PDZD2: variants seen among roughly 807,000 people sequenced by gnomAD.
PDZD2 encodes the protein PDZ domain containing 2.
PDZD2 carries 90 observed loss-of-function variants against 220.7 expected under a neutral mutation model. That is an observed-to-expected ratio of 0.41 (90% CI 0.34 to 0.49). The LOEUF is 0.49. Among genes scored for constraint, PDZD2 ranks in the 20% least tolerant of loss-of-function variants. The probability of loss-of-function intolerance (pLI) is 0.28; values close to 1 mark genes in which losing one functional copy is unlikely to be tolerated. For missense variants in PDZD2, 3,174 were observed against 3,608.5 expected (o/e 0.88, Z 3.08); for synonymous variants, 1,375 against 1,450.5 (o/e 0.95, Z 1.18).
chr5:32,045,259 C>T (rs1298490155), intron 7 of PDZD2, among the ~76,000 whole-genome samples: 2 of 152,212 alleles, frequency 1.3e-5, no homozygotes, highest in African/African-American at 4.8e-5. Flanking sequence ...CCCAGACTGG[C>T]TCCAAAATGG....
intron 2 of PDZD2, among the ~76,000 whole-genome samples, chr5:31,843,098 C>G (rs1032958335): frequency 5.3e-5 from 8 of 152,064 alleles, no homozygotes; most frequent in Non-Finnish European, 8.8e-5. Context: ...TCAGGCTGGT[C>G]TCGAACTCCT....
rs187049891 is a variant in PDZD2, at chr5:31,865,726, C to T, written c.476+66002C>T. 4.6e-3 allele frequency among the ~76,000 whole-genome samples: 683 copies of T among 147,870 alleles called. 5 individuals carry two copies. The highest frequency in any genetic ancestry group is 0.016 in the African/African-American group (649 of 39,732). ...TCGTCTCACTGCAAGCTCCGCCTCCCGGGTGCCCCATTCTCCTGCCTCAGC... is the reference window on the plus strand; with the variant it reads ...TCGTCTCACTGCAAGCTCCGCCTCCTGGGTGCCCCATTCTCCTGCCTCAGC... On this transcript the variant is annotated intron_variant, in intron 2 of 24. Coordinates refer to ENST00000438447, the MANE Select transcript of PDZD2 (RefSeq NM_178140.4).
chr5:31,701,490 G>A (rs932972128), intron 1 of PDZD2, among the ~76,000 whole-genome samples: 7 of 152,134 alleles, frequency 4.6e-5, no homozygotes, highest in South Asian at 2.1e-4. Context: ...ACTGCGCCTG[G>A]CTGAGAAGTC....
At chr5:31,674,287 C>T (rs911526844) in intron 1 of PDZD2, among the ~76,000 whole-genome samples, 1 of 152,122 alleles carries the variant, frequency 6.6e-6, no homozygotes, top group Non-Finnish European at 1.5e-5. Context: ...TGAGAAAAAT[C>T]GAGTCAAGAG....
At chr5:31,804,244 G>A (rs17416314) in intron 2 of PDZD2, among the ~76,000 whole-genome samples, 10,885 of 152,172 alleles carry the variant, frequency 0.072, 470 homozygotes, top group Non-Finnish European at 0.11. Context: ...AAGCCACTGA[G>A]ATGTAGTGGT....
chr5:31,840,396 TTATATATATATATATATA>T (rs748170414), intron 2 of PDZD2: 488 of 19,330 alleles, frequency 0.025, 7 homozygotes, highest in Middle Eastern at 0.031. Context: ...GTCATTTTCA[TTATATATATATATATATA>T]TATATATATA....
At chr5:31,774,529 C>G (rs1311657833) in intron 1 of PDZD2, among the ~76,000 whole-genome samples, 23 of 152,008 alleles carry the variant, frequency 1.5e-4, no homozygotes, top group Admixed American at 1.5e-3. Flanking sequence ...GCCTGACCAA[C>G]ATGGTGAAAC....
chr5:32,054,130 G>T (rs550693787), intron 10 of PDZD2, among the ~76,000 whole-genome samples: 3 of 151,960 alleles, frequency 2.0e-5, no homozygotes, highest in African/African-American at 4.8e-5. Flanking sequence ...CTTCTGTTGG[G>T]GTCTTTAGTG....
At chr5:31,840,910 G>T in intron 2 of PDZD2, 3 of 549,760 alleles carry the variant, frequency 5.5e-6, no homozygotes, top group South Asian at 2.7e-5. Flanking sequence ...ATAACTCCAT[G>T]TTTTCTTAAA....
At chr5:32,079,610 C>T (rs1741712094) in intron 19 of PDZD2, among the ~76,000 whole-genome samples, 1 of 151,752 alleles carries the variant, frequency 6.6e-6, no homozygotes, top group South Asian at 2.1e-4. Flanking sequence ...AGTTCGAGAC[C>T]AGCCTGGCCA....
In PDZD2 at chr5:31,983,667, G is replaced by GTTTGA. The variant is rs748344038; in HGVS notation, c.978+14_978+18dup. The stretch of plus-strand genomic sequence containing the variant: ...GACTGCCTGGCACGGGTAAGGTTTG[G>GTTTGA]TTTGATTATGGAACCAGAATTTTAT... On this transcript the variant is annotated intron_variant, in intron 3 of 24. Transcript: ENST00000438447. 2 of 1,604,530 alleles carry GTTTGA rather than the reference G, an allele frequency of 1.2e-6. No homozygotes were observed. The highest frequency in any genetic ancestry group is 2.2e-5 in the East Asian group (1 of 44,734).
At chr5:32,022,290 C>T (rs776270820) in intron 6 of PDZD2, among the ~76,000 whole-genome samples, 4 of 150,438 alleles carry the variant, frequency 2.7e-5, no homozygotes, top group African/African-American at 4.9e-5. Flanking sequence ...CTCTACCTCC[C>T]GGGTTCAAGC....
At chr5:31,744,509 T>C (rs1750465338) in intron 1 of PDZD2, 2 of 152,178 alleles carry the variant, frequency 1.3e-5, no homozygotes. Context: ...TTGATATTGA[T>C]ATCATTTGAA....
At chr5:31,768,460 G>C (rs931293411) in intron 1 of PDZD2, among the ~76,000 whole-genome samples, 9 of 152,016 alleles carry the variant, frequency 5.9e-5, no homozygotes, top group African/African-American at 9.7e-5. Context: ...GGCCAACATA[G>C]TGAAACCCCG....
Position 32,083,012 on chromosome 5 carries a change from G to A in PDZD2, c.3683-4119G>A, listed in dbSNP as rs189281598. On this transcript the variant is annotated intron_variant, in intron 19 of 24. Transcript: ENST00000438447. This position sits in a 1 kb window ranked among gnomAD's most constrained non-coding sequence, Gnocchi z 4.1. The stretch of plus-strand genomic sequence containing the variant: ...TAAATGTTTAACTCTGTTATGAACG[G>A]GATACATGTTTATTCTAGAAACTTA... 1.3e-5 allele frequency among the ~76,000 whole-genome samples: 2 copies of A among 152,236 alleles called. No individual in the cohort carries two copies. The highest frequency in any genetic ancestry group is 2.9e-5 in the Non-Finnish European group (2 of 68,010).
intron 7 of PDZD2, among the ~76,000 whole-genome samples, chr5:32,043,876 C>G (rs1004525952): frequency 1.3e-5 from 2 of 152,134 alleles, no homozygotes; most frequent in Non-Finnish European, 2.9e-5. Context: ...ATCCACCTGC[C>G]TTGGCCTCCC....
chr5:31,983,402 G>A lies in PDZD2; in HGVS notation c.724G>A (p.Val242Met). ...ATCCAAGGGCAGCGCTGGCTGTGAG[G>A]TGTCCAGTGACCCCAGCACTGAGCT... ...EESKGSAGCE[V>M]SSDPSTELEN... Residue 242 changes from valine to methionine, a missense_variant, in exon 3 of 25, where the codon GTG becomes ATG. Physicochemically the swap from Val to Met is conservative, Grantham distance 21. Transcript: ENST00000438447. The A allele has an allele frequency of 6.2e-7, 1 of 1,614,228 alleles. No homozygotes were observed.
At chr5:32,095,098 G>C (rs146267905) in intron 21 of PDZD2, among the ~76,000 whole-genome samples, 8 of 152,324 alleles carry the variant, frequency 5.3e-5, no homozygotes, top group African/African-American at 1.4e-4. Context: ...TGAAATGTCA[G>C]AGGAGAAGAC....
At chr5:31,654,649 G>C (rs1414221148) in intron 1 of PDZD2, among the ~76,000 whole-genome samples, 1 of 151,840 alleles carries the variant, frequency 6.6e-6, no homozygotes, top group African/African-American at 2.4e-5. Flanking sequence ...TCTCTTGTTC[G>C]CTCTTTAAAA....
Sources: allele counts gnomAD v4.1 joint callset (sites outside exome capture counted in the v4.1 genomes callset), GRCh38; gene constraint gnomAD v4.1.1; non-coding constraint Gnocchi (gnomAD v3.1); transcripts MANE v1.5; gene names NCBI Gene and HGNC (gene_info 2026-07-23, HGNC 2026-07-21).